The following HNF4G variants were observed in gnomAD, a reference collection of about 807,000 sequenced individuals.
HNF4G encodes hepatocyte nuclear factor 4-gamma.
In HNF4G, 21 loss-of-function variants were observed where a neutral mutation model predicts 50.9. The ratio of observed to expected loss-of-function variants is 0.41; its 90% CI spans 0.29 to 0.59. HNF4G has a LOEUF of 0.59. Among genes scored for constraint, HNF4G ranks in the 20% least tolerant of loss-of-function variants. HNF4G has a pLI of 0.26. For synonymous variants in HNF4G, 198 were observed against 185.6 expected (o/e 1.07, Z -0.54); for missense variants, 527 against 559.4 (o/e 0.94, Z 0.58).
At chr8:75,514,646 C>T (rs762068201) in intron 2 of HNF4G, among the ~76,000 whole-genome samples, 7 of 151,840 alleles carry the variant, frequency 4.6e-5, no homozygotes, top group Non-Finnish European at 8.8e-5. Flanking sequence ...CCACTGCACC[C>T]GGCCCATCTT....
rs145181016 is a variant in HNF4G at position 75,488,636 on chromosome 8, G to A, written c.-143-1453G>A. Among the ~76,000 whole-genome samples the A allele has an allele frequency of 2.6e-4, 39 of 152,192 alleles. No individual in the cohort carries two copies. In the East Asian group the frequency reaches 6.8e-3, roughly 26 times the overall value. ...ATACAATCTTTCTTAGGACTTTAAA[G>A]CATTAGAGACTTTAGGGATTAATAT... On this transcript the variant is annotated intron_variant, in intron 1 of 10. Transcript: ENST00000354370.
intron 2 of HNF4G, among the ~76,000 whole-genome samples, chr8:75,515,811 GCT>G (rs899348931): frequency 3.3e-5 from 5 of 151,912 alleles, no homozygotes; most frequent in African/African-American, 1.2e-4. Context: ...TGTTGCCCAG[GCT>G]GGAGTGCAAT....
chr8:75,476,779 T>C (rs9298255), intron 1 of HNF4G, among the ~76,000 whole-genome samples: 64,014 of 151,966 alleles, frequency 0.42, 15,921 homozygotes, highest in African/African-American at 0.7. Flanking sequence ...GTTTAATCTT[T>C]CCAAATTTGC....
At position 75,566,788 on chromosome 8, in the gene HNF4G, A is replaced by G. The variant is rs1349589341; in HGVS notation, c.*2692A>G. The G allele has an allele frequency of 6.6e-6, 1 of 150,802 alleles. No individual in the cohort carries two copies. The highest frequency in any genetic ancestry group is 2.5e-5 in the African/African-American group (1 of 40,590). The allele number at this position is 150,802 out of a possible 1,614,324, so 9.3% of individuals were successfully genotyped here. On this transcript the variant is annotated 3_prime_UTR_variant, in exon 10 of 10. Coordinates refer to ENST00000396423, the MANE Select transcript of HNF4G (RefSeq NM_004133.5). ...TAAAGTATTACTAAACTGTGATGCTATGTTTGTTTCACTAAACTTTCTAAA... is the reference window on the plus strand; with the variant it reads ...TAAAGTATTACTAAACTGTGATGCTGTGTTTGTTTCACTAAACTTTCTAAA...
chr8:75,451,275 C>T (rs2130579550), intron 1 of HNF4G, among the ~76,000 whole-genome samples: 1 of 152,098 alleles, frequency 6.6e-6, no homozygotes, highest in African/African-American at 2.4e-5. Flanking sequence ...TATATTCTCC[C>T]ATTCTGCAGG....
chr8:75,509,490 A>G (rs947405463), intron 2 of HNF4G, among the ~76,000 whole-genome samples: 2 of 152,230 alleles, frequency 1.3e-5, no homozygotes, highest in Middle Eastern at 3.2e-3. Flanking sequence ...GGACACATGT[A>G]TTTTAATAAG....
In HNF4G at chr8:75,480,717, C is replaced by CTTTTTTTTTTT. The variant is rs748221253; in HGVS notation, c.-143-9369_-143-9368insTTTTTTTTTTT. On this transcript the variant is annotated intron_variant, in intron 1 of 10. Coordinates refer to the HNF4G transcript ENST00000354370. ...CTGGATCTCATTTCTTTTTCTTTTT[C>CTTTTTTTTTTT]TTTCTTTTTTTTTTTTTTTGAGACA... Among the ~76,000 whole-genome samples, 2 of 123,920 alleles carry CTTTTTTTTTTT rather than the reference C, an allele frequency of 1.6e-5. 1 individual carries two copies. 81.3% of individuals were successfully genotyped at this position (123,920 alleles called of 152,430 possible).
chr8:75,421,845 G>A (rs188544088), intron 1 of HNF4G, among the ~76,000 whole-genome samples: 4 of 152,306 alleles, frequency 2.6e-5, no homozygotes, highest in East Asian at 3.9e-4. Context: ...CACGGTGCAC[G>A]TGGAGATTGC....
Position 75,565,512 on chromosome 8 carries a change from T to C in HNF4G, c.*1416T>C, listed in dbSNP as rs1276919487. The stretch of plus-strand genomic sequence containing the variant: ...TCGAATTCTAGACTGAGGAGTAGAG[T>C]TCATTGGAGTCTTAAACTCTCTGAT... On this transcript the variant is annotated 3_prime_UTR_variant, in exon 10 of 10. Coordinates refer to ENST00000396423, the MANE Select transcript of HNF4G (RefSeq NM_004133.5). 1 of 151,970 alleles carries C rather than the reference T, an allele frequency of 6.6e-6. No individual in the cohort carries two copies. Among genetic ancestry groups the C allele is most frequent in the Non-Finnish European group, 1.5e-5 (1 of 68,012 alleles). The allele number at this position is 151,970 out of a possible 1,614,324, so 9.4% of individuals were successfully genotyped here.
intron 1 of HNF4G, among the ~76,000 whole-genome samples, chr8:75,416,557 C>A (rs894754180): frequency 6.6e-6 from 1 of 151,620 alleles, no homozygotes; most frequent in Non-Finnish European, 1.5e-5. Flanking sequence ...AATGCTGTAC[C>A]CTTAAAAGGA....
chr8:75,560,240 C>A, intron 8 of HNF4G, 104 bp from the exon 9 acceptor site: 2 of 1,253,706 alleles, frequency 1.6e-6, no homozygotes, highest in Non-Finnish European at 1.1e-6. Context: ...AAGCACTTGG[C>A]AAAAATAGCG....
chr8:75,415,492 G>C (rs1379197477), intron 1 of HNF4G, among the ~76,000 whole-genome samples: 1 of 152,084 alleles, frequency 6.6e-6, no homozygotes, highest in South Asian at 2.1e-4. Context: ...CAAAAATAAA[G>C]AGTAGCCTGA....
intron 1 of HNF4G, among the ~76,000 whole-genome samples, chr8:75,421,467 T>C (rs1476328839): frequency 1.3e-5 from 2 of 152,260 alleles, no homozygotes; most frequent in African/African-American, 4.8e-5. Context: ...TAAATAGATG[T>C]ATGGGAAAAA....
intron 6 of HNF4G, 150 bp from the exon 7 acceptor site, chr8:75,558,368 C>A (rs1441957530): frequency 3.1e-6 from 2 of 639,900 alleles, no homozygotes; most frequent in Non-Finnish European, 5.1e-6. Context: ...TCTAGCATAA[C>A]TAACAACACC....
At chr8:75,466,147 T>C (rs1040660840) in intron 1 of HNF4G, among the ~76,000 whole-genome samples, 3 of 152,182 alleles carry the variant, frequency 2.0e-5, no homozygotes, top group African/African-American at 7.2e-5. Context: ...TTTCTGAGAC[T>C]TTAAACACCA....
chr8:75,432,881 T>C (rs796940287), intron 1 of HNF4G, among the ~76,000 whole-genome samples: 18 of 152,324 alleles, frequency 1.2e-4, no homozygotes, highest in African/African-American at 4.1e-4. Context: ...TGGAATTCTG[T>C]GTAAACATTT....
At chr8:75,417,687 T>C (rs1810674357) in intron 1 of HNF4G, among the ~76,000 whole-genome samples, 1 of 152,244 alleles carries the variant, frequency 6.6e-6, no homozygotes, top group African/African-American at 2.4e-5. Flanking sequence ...TTTCACTGAA[T>C]TCAATTTGAG....
At chr8:75,435,747 C>T (rs993002749) in intron 1 of HNF4G, among the ~76,000 whole-genome samples, 13 of 152,236 alleles carry the variant, frequency 8.5e-5, no homozygotes, top group South Asian at 6.2e-4. Context: ...GCATGCACCA[C>T]CACACCCAGC....
chr8:75,472,153 C>T (rs1456386622), intron 1 of HNF4G, among the ~76,000 whole-genome samples: 3 of 152,198 alleles, frequency 2.0e-5, no homozygotes, highest in Admixed American at 6.5e-5. Flanking sequence ...TTCCCACCTC[C>T]TGTCTTTCCA....
Sources: gnomAD v4.1 joint callset for allele counts (sites outside exome capture counted in the v4.1 genomes callset) on GRCh38, gnomAD v4.1.1 for gene constraint, MANE v1.5 for transcripts, NCBI Gene and HGNC (gene_info 2026-07-23, HGNC 2026-07-21) for gene names.